RAB39A: variants seen among roughly 807,000 people sequenced by gnomAD.
RAB39A encodes RAB39A, member RAS oncogene family, also known as ras-related protein Rab-39A.
RAB39A carries 17 observed loss-of-function variants against 20.9 expected under a neutral mutation model. The observed-to-expected ratio is 0.81, with a 90% CI of 0.56 to 1.22. RAB39A has a LOEUF of 1.22. Ranked by LOEUF, RAB39A falls within the 50% of genes most tolerant of loss-of-function variation. The pLI, the probability that RAB39A is intolerant of heterozygous loss-of-function variation, is 0.00. For synonymous variants in RAB39A, 99 were observed against 103.4 expected (o/e 0.96, Z 0.26); for missense variants, 234 against 270.5 (o/e 0.87, Z 0.95).
At chr11:107,946,629 C>G (rs182814027) in intron 1 of RAB39A, among the ~76,000 whole-genome samples, 1 of 149,904 alleles carries the variant, frequency 6.7e-6, no homozygotes, top group African/African-American at 2.5e-5. Flanking sequence ...CCCGCCACCA[C>G]GCCCAGCTAA....
intron 1 of RAB39A, among the ~76,000 whole-genome samples, chr11:107,930,208 AC>A (rs1430388334): frequency 6.6e-6 from 1 of 152,182 alleles, no homozygotes; most frequent in Non-Finnish European, 1.5e-5. Flanking sequence ...TTTGTACAAC[AC>A]GTAGAATTCC....
chr11:107,948,511 G>A (rs963592703), intron 1 of RAB39A, among the ~76,000 whole-genome samples: 1 of 147,208 alleles, frequency 6.8e-6, no homozygotes, highest in Non-Finnish European at 1.5e-5. Context: ...ACCCCCAGCC[G>A]AGAGGGATTC....
At position 107,928,832 on chromosome 11, in the gene RAB39A, C is replaced by G. The variant is rs1237730547; in HGVS notation, c.227+37C>G. On this transcript the variant is annotated intron_variant, in intron 1 of 1. Transcript: ENST00000320578. The surrounding 1 kb of genome is among the most constrained non-coding windows in gnomAD (Gnocchi z 4.9). ...GGGGACCTTGGGCACCGCGCCGCCC[C>G]CTCAGCCCGCCCGGACGCCCCTTCC... 48 of 1,457,544 alleles carry G rather than the reference C, an allele frequency of 3.3e-5. No individual in the cohort carries two copies. Among genetic ancestry groups the G allele is most frequent in the Middle Eastern group, 2.3e-4 (1 of 4,344 alleles). The allele number at this position is 1,457,544 out of a possible 1,614,324, so 90.3% of individuals were successfully genotyped here.
chr11:107,940,125 G>A (rs1171350382), intron 1 of RAB39A, among the ~76,000 whole-genome samples: 1 of 152,090 alleles, frequency 6.6e-6, no homozygotes, highest in East Asian at 1.9e-4. Flanking sequence ...CTGATTTGGA[G>A]GGAATTTCCT....
chr11:107,935,725 A>G (rs988533271), intron 1 of RAB39A, among the ~76,000 whole-genome samples: 6 of 151,728 alleles, frequency 4.0e-5, no homozygotes, highest in African/African-American at 1.5e-4. Flanking sequence ...AATCGATATT[A>G]TTATCTTTAA....
At chr11:107,930,340 A>G (rs974731488) in intron 1 of RAB39A, among the ~76,000 whole-genome samples, 1 of 152,202 alleles carries the variant, frequency 6.6e-6, no homozygotes, top group African/African-American at 2.4e-5. Flanking sequence ...CAGTTTTACC[A>G]TTCTAAGTTG....
In RAB39A at chr11:107,962,186, C is replaced by T. The variant is rs1454406918; in HGVS notation, c.468C>T (p.Thr156=). Residue 156 remains threonine, a synonymous_variant, in exon 2 of 2, where the codon ACC becomes ACT. Transcript: ENST00000320578. ...SADCGMKYIE[T]SAKDATNVEE... ...ACTGTGGAATGAAGTATATAGAAAC[C>T]TCAGCAAAGGATGCTACAAATGTTG... 5.0e-6 allele frequency: 8 copies of T among 1,613,944 alleles called. No individual in the cohort carries two copies. In the African/African-American group the frequency reaches 9.3e-5, roughly 19 times the overall value.
intron 1 of RAB39A, among the ~76,000 whole-genome samples, chr11:107,955,979 C>T (rs1396322259): frequency 1.3e-5 from 2 of 151,970 alleles, no homozygotes; most frequent in Non-Finnish European, 2.9e-5. Flanking sequence ...AAAGGACTCC[C>T]TTCCCCCAAG....
chr11:107,958,473 C>G (rs187843380), intron 1 of RAB39A, among the ~76,000 whole-genome samples: 1 of 152,198 alleles, frequency 6.6e-6, no homozygotes. Flanking sequence ...AGTTTTCCAT[C>G]TGAAGCTCTG....
rs574121964 is a variant in RAB39A at position 107,955,098 on chromosome 11, G to A, written c.228-6848G>A. Among the ~76,000 whole-genome samples, 303 of 133,370 alleles carry A rather than the reference G, an allele frequency of 2.3e-3. 2 individuals are homozygous for A. The highest frequency in any genetic ancestry group is 8.0e-3 in the African/African-American group (288 of 36,170). The allele number at this position is 133,370 out of a possible 152,430, so 87.5% of individuals were successfully genotyped here. A position where few individuals can be genotyped will look rare whatever the true frequency, so the allele number is the denominator to read the frequency against. On this transcript the variant is annotated intron_variant, in intron 1 of 1. Coordinates refer to ENST00000320578, the MANE Select transcript of RAB39A (RefSeq NM_017516.3). ...TGCAAGCTCCACCTCCCGGGTTCAC[G>A]CCATTCTCCTGCCTCAGCCTCCCGA...
chr11:107,928,919 C>G lies in RAB39A; in HGVS notation c.227+124C>G, dbSNP rs73551431. The G allele has an allele frequency of 2.0e-3, 1,347 of 660,364 alleles. 19 individuals are homozygous for G. In the African/African-American group the frequency reaches 0.022, roughly 11 times the overall value. 40.9% of individuals were successfully genotyped at this position (660,364 alleles called of 1,614,324 possible). On this transcript the variant is annotated intron_variant, in intron 1 of 1. Coordinates refer to ENST00000320578, the MANE Select transcript of RAB39A (RefSeq NM_017516.3). The surrounding 1 kb of genome is among the most constrained non-coding windows in gnomAD (Gnocchi z 4.9). ...CTCTGGCCCTTCCCTCTCGAAAGTG[C>G]AAACACTCCATTCTCGCTTCCCCTT...
chr11:107,943,527 C>T (rs892498228), intron 1 of RAB39A, among the ~76,000 whole-genome samples: 7 of 148,306 alleles, frequency 4.7e-5, no homozygotes, highest in Non-Finnish European at 7.4e-5. Flanking sequence ...GCCGAAATTG[C>T]ACCACTGCAC....
intron 1 of RAB39A, among the ~76,000 whole-genome samples, chr11:107,959,437 G>C (rs1861473072): frequency 6.6e-6 from 1 of 152,132 alleles, no homozygotes; most frequent in African/African-American, 2.4e-5. Flanking sequence ...TTAAAATATA[G>C]CAACTGCATT....
intron 1 of RAB39A, among the ~76,000 whole-genome samples, chr11:107,939,098 G>A (rs561518391): frequency 1.3e-5 from 2 of 151,724 alleles, no homozygotes; most frequent in African/African-American, 2.4e-5. Flanking sequence ...AAAAAAATTA[G>A]CTAGGCGTGG....
intron 1 of RAB39A, among the ~76,000 whole-genome samples, chr11:107,959,763 C>A (rs534192164): frequency 6.6e-6 from 1 of 152,142 alleles, no homozygotes; most frequent in Non-Finnish European, 1.5e-5. Context: ...GAAAGTATGA[C>A]GGTAACAAAT....
At chr11:107,929,305 C>T (rs372140119) in intron 1 of RAB39A, among the ~76,000 whole-genome samples, 48 of 152,292 alleles carry the variant, frequency 3.2e-4, no homozygotes, top group African/African-American at 1.1e-3. Flanking sequence ...CAGCAAGGAG[C>T]GCTCCAACCC....
At chr11:107,947,164 T>C (rs537995197) in intron 1 of RAB39A, among the ~76,000 whole-genome samples, 12 of 151,980 alleles carry the variant, frequency 7.9e-5, no homozygotes, top group African/African-American at 2.4e-4. Flanking sequence ...TGCAGTGGCG[T>C]GATCTCGGCT....
chr11:107,951,394 C>A (rs1020000429), intron 1 of RAB39A, among the ~76,000 whole-genome samples: 1 of 152,124 alleles, frequency 6.6e-6, no homozygotes, highest in African/African-American at 2.4e-5. Flanking sequence ...CTACTTGATG[C>A]CAAGAGACTT....
At chr11:107,937,897 A>G (rs1203943662) in intron 1 of RAB39A, among the ~76,000 whole-genome samples, 1 of 152,188 alleles carries the variant, frequency 6.6e-6, no homozygotes, top group Admixed American at 6.5e-5. Flanking sequence ...TTACACAGAC[A>G]TATAATACAA....
Sources: allele counts gnomAD v4.1 joint callset (sites outside exome capture counted in the v4.1 genomes callset), GRCh38; gene constraint gnomAD v4.1.1; non-coding constraint Gnocchi (gnomAD v3.1); transcripts MANE v1.5; gene names NCBI Gene and HGNC (gene_info 2026-07-23, HGNC 2026-07-21).